Variants in HOATZ observed in about 807,000 individuals in gnomAD.
The protein encoded by HOATZ is cilia- and flagella-associated protein HOATZ.
In HOATZ, 26 loss-of-function variants were observed where a neutral mutation model predicts 24.9. That is an observed-to-expected ratio of 1.04 (90% CI 0.76 to 1.45). The LOEUF (loss-of-function observed/expected upper bound fraction) is 1.45. Among genes scored for constraint, HOATZ ranks in the 40% most tolerant of loss-of-function variants. The pLI, the probability that HOATZ is intolerant of heterozygous loss-of-function variation, is 0.00. For synonymous variants in HOATZ, 83 were observed against 76.6 expected (o/e 1.08, Z -0.43); for missense variants, 226 against 201.5 (o/e 1.12, Z -0.74).
intron 3 of HOATZ, among the ~76,000 whole-genome samples, 175 bp from the exon 4 acceptor site, chr11:111,533,571 C>T (rs1028224953): frequency 6.6e-6 from 1 of 151,868 alleles, no homozygotes; most frequent in Non-Finnish European, 1.5e-5. Context: ...TGTAAAGCAG[C>T]ATTATCTTGA....
At chr11:111,525,673 T>C (rs1452367791) in intron 3 of HOATZ, among the ~76,000 whole-genome samples, 1 of 152,196 alleles carries the variant, frequency 6.6e-6, no homozygotes, top group African/African-American at 2.4e-5. Flanking sequence ...AGATGAATCA[T>C]GGGCCCAAAA....
chr11:111,516,046 G>C lies in HOATZ; in HGVS notation c.275G>C (p.Arg92Thr). ...QSFHLASNKNRDIFAEALKIQ... is the reference protein window; with the variant it reads ...QSFHLASNKNTDIFAEALKIQ... The stretch of plus-strand genomic sequence containing the variant: ...TTGACTTTATTCCCTCTAGAAAATA[G>C]AGACATCTTTGCCGAAGCCCTAAAG... The change falls in exon 3 of 6, where the codon AGA (arginine) becomes ACA (threonine). Residue 92 changes from arginine to threonine, a missense_variant. Physicochemically the swap from Arg to Thr is moderately conservative, Grantham distance 71. Transcript: ENST00000375618. 6.3e-7 allele frequency: 1 copy of C among 1,578,040 alleles called. No homozygotes were observed.
intron 4 of HOATZ, among the ~76,000 whole-genome samples, chr11:111,534,150 G>A (rs1867423213): frequency 6.6e-6 from 1 of 152,184 alleles, no homozygotes; most frequent in Admixed American, 6.6e-5. Context: ...AAAAATAAAT[G>A]TTAAATGAAG....
intron 3 of HOATZ, chr11:111,519,096 G>A: frequency 2.2e-6 from 1 of 452,918 alleles, no homozygotes; most frequent in Non-Finnish European, 4.4e-6. Context: ...GTGTGACCTT[G>A]AGCAAGTGGT....
chr11:111,536,658 C>T (rs1439924887), intron 5 of HOATZ, 112 bp from the exon 6 acceptor site: 20 of 836,856 alleles, frequency 2.4e-5, no homozygotes, highest in Non-Finnish European at 3.5e-5. Flanking sequence ...CACATAGAAT[C>T]TACAACAGTG....
chr11:111,533,900 G>C, intron 4 of HOATZ, 95 bp downstream of exon 4: 1 of 838,678 alleles, frequency 1.2e-6, no homozygotes, highest in Non-Finnish European at 1.8e-6. Context: ...CTTAAATCTA[G>C]CTAGCTATAG....
chr11:111,527,121 T>A (rs908390279), intron 3 of HOATZ, among the ~76,000 whole-genome samples: 1 of 152,242 alleles, frequency 6.6e-6, no homozygotes, highest in Non-Finnish European at 1.5e-5. Context: ...TAAAGCAGTT[T>A]TTTAAATCAC....
chr11:111,525,010 A>G, intron 3 of HOATZ: 1 of 367,606 alleles, frequency 2.7e-6, no homozygotes, highest in South Asian at 2.1e-5. Flanking sequence ...CTGGGACTAC[A>G]GGTGCACACC....
intron 3 of HOATZ, among the ~76,000 whole-genome samples, chr11:111,518,468 T>C (rs966148811): frequency 2.0e-5 from 3 of 152,236 alleles, no homozygotes; most frequent in South Asian, 2.1e-4. Flanking sequence ...AACTAAGCAA[T>C]TGACATACAT....
intron 4 of HOATZ, among the ~76,000 whole-genome samples, chr11:111,534,015 A>G (rs1867422079): frequency 6.6e-6 from 1 of 152,248 alleles, no homozygotes; most frequent in Admixed American, 6.5e-5. Flanking sequence ...CCCTCCTGGC[A>G]TAAGAAATGA....
intron 3 of HOATZ, among the ~76,000 whole-genome samples, chr11:111,531,836 C>A (rs924915708): frequency 6.6e-6 from 1 of 152,186 alleles, no homozygotes; most frequent in African/African-American, 2.4e-5. Flanking sequence ...AGCTGCCCAG[C>A]GTGGGCCCCT....
intron 3 of HOATZ, among the ~76,000 whole-genome samples, chr11:111,519,718 T>A (rs761086915): frequency 3.9e-5 from 6 of 152,234 alleles, no homozygotes; most frequent in South Asian, 2.1e-4. Flanking sequence ...GAGAATCTTC[T>A]ACATGTTTTG....
At chr11:111,530,219 A>C (rs1867380724) in intron 3 of HOATZ, among the ~76,000 whole-genome samples, 1 of 152,180 alleles carries the variant, frequency 6.6e-6, no homozygotes, top group East Asian at 1.9e-4. Flanking sequence ...TCTTTGGTTT[A>C]CCTAAGATCA....
chr11:111,529,313 G>T (rs370000742), intron 3 of HOATZ, among the ~76,000 whole-genome samples: 73 of 152,200 alleles, frequency 4.8e-4, no homozygotes, highest in African/African-American at 1.7e-3. Context: ...TTAAAAGACA[G>T]AAGATTGGCT....
rs1157977884 is a variant in HOATZ at position 111,514,918 on chromosome 11, C to G, written c.134C>G (p.Ser45Trp). The change falls in exon 1 of 6, where the codon TCG becomes TGG. Residue 45 changes from serine to tryptophan, a missense_variant. Physicochemically the swap from Ser to Trp is radical, Grantham distance 177 (BLOSUM62 -3). Coordinates refer to ENST00000375618, the MANE Select transcript of HOATZ (RefSeq NM_001100388.2). ...GCTAAGCAGTTCTGGATCTCGGCGT[C>G]GATGTATCCCCCTAGCGAATCTCAG... ...NLAKQFWISA[S>W]MYPPSESQLV... 6.2e-7 allele frequency: 1 copy of G among 1,613,928 alleles called. No individual in the cohort carries two copies. The highest frequency in any genetic ancestry group is 2.2e-5 in the East Asian group (1 of 44,898).
At chr11:111,530,764 A>G (rs1867385572) in intron 3 of HOATZ, among the ~76,000 whole-genome samples, 1 of 152,180 alleles carries the variant, frequency 6.6e-6, no homozygotes. Flanking sequence ...ATGCTTCCTT[A>G]CTAATAATAT....
At chr11:111,518,137 T>C (rs1467771778) in intron 3 of HOATZ, among the ~76,000 whole-genome samples, 1 of 152,212 alleles carries the variant, frequency 6.6e-6, no homozygotes, top group Non-Finnish European at 1.5e-5. Context: ...ACATGCATAG[T>C]ATCTGCCAAG....
chr11:111,515,803 T>C (rs1037021708), intron 2 of HOATZ, among the ~76,000 whole-genome samples: 3 of 152,258 alleles, frequency 2.0e-5, no homozygotes, highest in Admixed American at 6.5e-5. Flanking sequence ...TTCTTGTCTC[T>C]GGACTCGAGC....
chr11:111,534,285 G>C, intron 4 of HOATZ, 127 bp from the exon 5 acceptor site: 1 of 673,874 alleles, frequency 1.5e-6, no homozygotes, highest in Non-Finnish European at 2.6e-6. Context: ...ACAGTTTCCA[G>C]ATTTAAGAAG....
Sources: gnomAD v4.1 joint callset for allele counts (sites outside exome capture counted in the v4.1 genomes callset) on GRCh38, gnomAD v4.1.1 for gene constraint, MANE v1.5 for transcripts, NCBI Gene and HGNC (gene_info 2026-07-23, HGNC 2026-07-21) for gene names.